The following MAN2A2 variants were observed in gnomAD, a reference collection of about 807,000 sequenced individuals.
MAN2A2 encodes the protein alpha-mannosidase 2x.
A neutral mutation model predicts 126.8 loss-of-function variants in MAN2A2; 79 were observed. That is an observed-to-expected ratio of 0.62 (90% CI 0.52 to 0.75). The LOEUF is 0.75. MAN2A2 is among the 30% of genes least tolerant of loss of function. The probability of loss-of-function intolerance (pLI) is 0.00; values close to 1 mark genes in which losing one functional copy is unlikely to be tolerated. For missense variants in MAN2A2, 1,392 were observed against 1,522.4 expected (o/e 0.91, Z 1.43); for synonymous variants, 671 against 618.7 (o/e 1.08, Z -1.25).
At position 90,913,707 on chromosome 15, in the gene MAN2A2, C is replaced by T. The variant is rs748558808; in HGVS notation, c.2812C>T (p.Leu938Phe). Reference protein sequence around the residue: ...MAYIQDAQKRLTLHTAQALGV... With the variant: ...MAYIQDAQKRFTLHTAQALGV... Reference sequence around the variant, plus strand: ...CTATATCCAGGACGCACAGAAGCGCCTCACGCTGCACACTGCCCAGGCCCT... The same window carrying T: ...CTATATCCAGGACGCACAGAAGCGCTTCACGCTGCACACTGCCCAGGCCCT... Residue 938 changes from leucine (L) to phenylalanine (F), a missense_variant, in exon 19 of 23, where the codon CTC becomes TTC. By Grantham distance (22) the Leu-to-Phe change is conservative (BLOSUM62 0). Transcript: ENST00000559717. 7 of 1,605,444 alleles carry T rather than the reference C, an allele frequency of 4.4e-6. No individual in the cohort carries two copies. Among genetic ancestry groups the T allele is most frequent in the Admixed American group, 3.4e-5 (2 of 58,946 alleles).
chr15:90,917,364 C>T (rs1567133441), intron 20 of MAN2A2, among the ~76,000 whole-genome samples: 1 of 152,136 alleles, frequency 6.6e-6, no homozygotes, highest in Non-Finnish European at 1.5e-5. Context: ...AGGAAAGGTC[C>T]AGGCTAAGGA....
rs754050834 is a variant in MAN2A2, at chr15:90,919,686, A to G, written c.3352A>G (p.Thr1118Ala). ...HGLDVVFLQP[T>A]SLTLLYPLAS... ...CCTGGATGTGGTATTCCTTCAGCCA[A>G]CCTCCTTGACGTTACTGTACCCTCT... is the stretch of plus-strand genomic sequence containing the variant. The change falls in exon 23 of 23, where the codon ACC (threonine) becomes GCC (alanine). Residue 1118 changes from threonine to alanine, a missense_variant. Physicochemically the swap from Thr to Ala is moderately conservative, Grantham distance 58 (BLOSUM62 0). Transcript: ENST00000559717. 1.9e-6 allele frequency: 3 copies of G among 1,613,878 alleles called. No individual in the cohort carries two copies. The African/African-American group carries it at 4.0e-5, about 22-fold the overall frequency.
In MAN2A2 at chr15:90,911,578, T is replaced by TGGCCCTCTGCCCGTCGTGGGCCC. The variant is rs775053349; in HGVS notation, c.2109+29_2109+51dup. On this transcript the variant is annotated intron_variant, in intron 14 of 22. Coordinates refer to ENST00000559717, the MANE Select transcript of MAN2A2 (RefSeq NM_006122.4). ...GAGGTGTGGGCTTGTCAGGTGGGCC[T>TGGCCCTCTGCCCGTCGTGGGCCC]GGCCCTCTGCCCGTCGTGGGCCCCT... 3.8e-6 allele frequency: 6 copies of TGGCCCTCTGCCCGTCGTGGGCCC among 1,588,730 alleles called. No individual in the cohort carries two copies. In the East Asian group the frequency reaches 9.0e-5, roughly 24 times the overall value.
At chr15:90,909,955 A>T in intron 9 of MAN2A2, 135 bp from the exon 10 acceptor site, 1 of 752,806 alleles carries the variant, frequency 1.3e-6, no homozygotes, top group Non-Finnish European at 2.1e-6. Flanking sequence ...TACTTCTGTT[A>T]AGTCTAGAAT....
chr15:90,915,915 T>A (rs1376788203), intron 19 of MAN2A2: 2 of 539,564 alleles, frequency 3.7e-6, no homozygotes, highest in Non-Finnish European at 6.5e-6. Context: ...GACCTCATGC[T>A]TCCTCATCTG....
rs549071659 is a variant in MAN2A2 at position 90,913,627 on chromosome 15, G to A, written c.2732G>A (p.Arg911Gln). The part of the protein sequence containing the change: ...DLNGFQVQPR[R>Q]YLKKLPLQAN... ...TTGCCCCCACAGGTGCAGCCCCGAC[G>A]GTATCTGAAGAAGCTCCCCCTCCAG... The change falls in exon 19 of 23, where the codon CGG (arginine) becomes CAG (glutamine). Residue 911 changes from arginine (R) to glutamine (Q), a missense_variant. By Grantham distance (43) the Arg-to-Gln change is conservative. Transcript: ENST00000559717. 62 of 1,612,392 alleles carry A rather than the reference G, an allele frequency of 3.8e-5. No individual in the cohort carries two copies. The highest frequency in any genetic ancestry group is 1.7e-4 in the Middle Eastern group (1 of 6,054).
chr15:90,906,819 C>T lies in MAN2A2; in HGVS notation c.915C>T (p.Asn305=), dbSNP rs2034334380. 6.2e-7 allele frequency: 1 copy of T among 1,614,100 alleles called. No homozygotes were observed. Among genetic ancestry groups the T allele is most frequent in the Non-Finnish European group, 8.5e-7 (1 of 1,180,004 alleles). Reference sequence around the variant, plus strand: ...TGCCTTACCTGCTGCGCCGTGCCAACCTCACCAGCATGCTGATTCAGAGAG... The same window carrying T: ...TGCCTTACCTGCTGCGCCGTGCCAATCTCACCAGCATGCTGATTCAGAGAG... ...STMPYLLRRA[N]LTSMLIQRVH... The change falls in exon 7 of 23, where the codon AAC becomes AAT. Residue 305 remains asparagine, a synonymous_variant. Transcript: ENST00000559717.
chr15:90,905,336 A>T lies in MAN2A2; in HGVS notation c.218A>T (p.Asp73Val), dbSNP rs2151291420. 1 of 1,613,730 alleles carries T rather than the reference A, an allele frequency of 6.2e-7. No individual in the cohort carries two copies. The highest frequency in any genetic ancestry group is 2.2e-5 in the East Asian group (1 of 44,876). The change falls in exon 3 of 23, where the codon GAC becomes GTC. Residue 73 changes from aspartate to valine, a missense_variant. By Grantham distance (152) the Asp-to-Val change is radical. Transcript: ENST00000559717. ...ENHEIISHIK[D>V]SVLELTANAE... ...CATGAGATTATCAGCCATATCAAGG[A>T]CTCCGTGCTGGAGCTGACAGCCAAC...
intron 14 of MAN2A2, 40 bp downstream of exon 14, chr15:90,911,590 C>T (rs769585269): frequency 1.8e-5 from 29 of 1,570,062 alleles, no homozygotes; most frequent in East Asian, 1.6e-4. Flanking sequence ...GCCCTCTGCC[C>T]GTCGTGGGCC....
Position 90,911,283 on chromosome 15 carries a change from G to A in MAN2A2, c.1943+45G>A, listed in dbSNP as rs2034713304. 2.5e-6 allele frequency: 4 copies of A among 1,613,268 alleles called. No individual in the cohort carries two copies. In the East Asian group the frequency reaches 8.9e-5, roughly 36 times the overall value. On this transcript the variant is annotated intron_variant, in intron 13 of 22. Coordinates refer to ENST00000559717, the MANE Select transcript of MAN2A2 (RefSeq NM_006122.4). Reference sequence around the variant, plus strand: ...GTGCAGAGAGGCAGAGCCATTCCCTGGCTCTCAGGCCCCTCTGCCCCAGCA... The same window carrying A: ...GTGCAGAGAGGCAGAGCCATTCCCTAGCTCTCAGGCCCCTCTGCCCCAGCA...
intron 14 of MAN2A2, 94 bp from the exon 15 acceptor site, chr15:90,911,949 G>C: frequency 9.7e-7 from 1 of 1,029,312 alleles, no homozygotes; most frequent in Non-Finnish European, 1.5e-6. Flanking sequence ...GCGGGTGCAG[G>C]GGCTTGCTCA....
rs1267258051 is a variant in MAN2A2 at position 90,906,924 on chromosome 15, G to C, written c.1009+11G>C. 1.9e-6 allele frequency: 3 copies of C among 1,613,334 alleles called. No individual in the cohort carries two copies. The highest frequency in any genetic ancestry group is 2.5e-6 in the Non-Finnish European group (3 of 1,179,956). ...GGAGGCAGACATGGGGTAAGGCCGG[G>C]TAGGGTAGAGGGGGTTACTGCAGCA... On this transcript the variant is annotated intron_variant, in intron 7 of 22. Coordinates refer to ENST00000559717, the MANE Select transcript of MAN2A2 (RefSeq NM_006122.4).
chr15:90,903,910 A>T (rs1331684884), intron 1 of MAN2A2: 1 of 447,148 alleles, frequency 2.2e-6, no homozygotes, highest in Admixed American at 3.4e-5. Flanking sequence ...GAAGCTGTGT[A>T]ATCAGGAGCT....
intron 8 of MAN2A2, 68 bp downstream of exon 8, chr15:90,907,563 A>C: frequency 6.7e-7 from 1 of 1,488,142 alleles, no homozygotes; most frequent in Admixed American, 1.9e-5. Flanking sequence ...GGGCCGTGCC[A>C]CGTGGAGGGT....
rs1269236584 is a variant in MAN2A2 at position 90,920,910 on chromosome 15, C to T, written c.*1123C>T. On this transcript the variant is annotated 3_prime_UTR_variant, in exon 23 of 23. Coordinates refer to ENST00000559717, the MANE Select transcript of MAN2A2 (RefSeq NM_006122.4). ...CTCTATAGATGCTGAAAAGGTATTTCGTAAGATTTAAAATCCATCCCTTAT... is the reference window on the plus strand; with the variant it reads ...CTCTATAGATGCTGAAAAGGTATTTTGTAAGATTTAAAATCCATCCCTTAT... 2.0e-5 allele frequency: 3 copies of T among 152,134 alleles called. No homozygotes were observed. Among genetic ancestry groups the T allele is most frequent in the East Asian group, 1.9e-4 (1 of 5,202 alleles). 9.4% of individuals were successfully genotyped at this position (152,134 alleles called of 1,614,324 possible).
chr15:90,911,354 C>T, intron 13 of MAN2A2, 31 bp from the exon 14 acceptor site: 1 of 1,613,540 alleles, frequency 6.2e-7, no homozygotes, highest in Non-Finnish European at 8.5e-7. Flanking sequence ...GAAGCAGCAG[C>T]CTCCTGGGTC....
At chr15:90,915,152 C>T (rs2035072956) in intron 19 of MAN2A2, among the ~76,000 whole-genome samples, 2 of 152,216 alleles carry the variant, frequency 1.3e-5, no homozygotes, top group Non-Finnish European at 2.9e-5. Flanking sequence ...CCCAATATCC[C>T]TCACTGGATC....
chr15:90,913,326 G>C lies in MAN2A2; in HGVS notation c.2638G>C (p.Val880Leu). Reference sequence around the variant, plus strand: ...ATCCCTGGTGGACATCCGGGACTACGTCAACAAGGAGCTGGCCCTGCACAT... The same window carrying C: ...ATCCCTGGTGGACATCCGGGACTACCTCAACAAGGAGCTGGCCCTGCACAT... ...ISSLVDIRDYVNKELALHIHT... is the reference protein window; with the variant it reads ...ISSLVDIRDYLNKELALHIHT... Residue 880 changes from valine (V) to leucine (L), a missense_variant, in exon 18 of 23, where the codon GTC becomes CTC. Coordinates refer to ENST00000559717, the MANE Select transcript of MAN2A2 (RefSeq NM_006122.4). The C allele has an allele frequency of 6.2e-7, 1 of 1,613,798 alleles. No individual in the cohort carries two copies. Among genetic ancestry groups the C allele is most frequent in the South Asian group, 1.1e-5 (1 of 91,074 alleles).
rs373836101 is a variant in MAN2A2 at position 90,912,900 on chromosome 15, C to G, written c.2493C>G (p.Pro831=). Residue 831 remains proline (P), a synonymous_variant, in exon 17 of 23, where the codon CCC becomes CCG. Coordinates refer to ENST00000559717, the MANE Select transcript of MAN2A2 (RefSeq NM_006122.4). ...AGCCCTACGTCCCCAAGGAGCCCCCCGTGCTGCGTGTCACTGAAGGCCCTT... is the reference window on the plus strand; with the variant it reads ...AGCCCTACGTCCCCAAGGAGCCCCCGGTGCTGCGTGTCACTGAAGGCCCTT... ...EAKPYVPKEP[P]VLRVTEGPFF... 1 of 1,614,042 alleles carries G rather than the reference C, an allele frequency of 6.2e-7. No homozygotes were observed. Among genetic ancestry groups the G allele is most frequent in the Non-Finnish European group, 8.5e-7 (1 of 1,179,938 alleles).
Sources: gnomAD v4.1 joint callset for allele counts (sites outside exome capture counted in the v4.1 genomes callset) on GRCh38, gnomAD v4.1.1 for gene constraint, MANE v1.5 for transcripts, NCBI Gene and HGNC (gene_info 2026-07-23, HGNC 2026-07-21) for gene names.